The following FAM177A1 variants were observed in gnomAD, a reference collection of about 807,000 sequenced individuals.
FAM177A1 encodes the protein family with sequence similarity 177 member A1.
FAM177A1 carries 22 observed loss-of-function variants against 26.1 expected under a neutral mutation model. That is an observed-to-expected ratio of 0.84 (90% CI 0.60 to 1.20). The LOEUF is 1.20. Among genes scored for constraint, FAM177A1 ranks in the 50% most tolerant of loss-of-function variants. FAM177A1 has a pLI of 0.00. For missense variants in FAM177A1, 296 were observed against 291.1 expected, an observed-to-expected ratio of 1.02 and a Z score of -0.12; for synonymous variants, 95 against 99.3, an observed-to-expected ratio of 0.96 and a Z score of 0.26.
chr14:35,074,024 C>T (rs2045359692), intron 2 of FAM177A1, among the ~76,000 whole-genome samples: 1 of 152,202 alleles, frequency 6.6e-6, no homozygotes, highest in Non-Finnish European at 1.5e-5. Context: ...TAAAGCCAAA[C>T]TTCTTTCTAA....
chr14:35,046,472 G>C lies in FAM177A1; in HGVS notation c.9G>C (p.Val3=). Residue 3 remains valine (V), a synonymous_variant, in exon 1 of 5, where the codon GTG becomes GTC. Coordinates refer to ENST00000280987, the MANE Select transcript of FAM177A1 (RefSeq NM_173607.5). ...GGGCGGGGAGACCAAGGATGGAAGT[G>C]GGCTTACCGGCCATTACCCTCTTTC... The part of the protein sequence containing the change: ME[V]GLPAITLFLT... 1 of 1,585,798 alleles carries C rather than the reference G, an allele frequency of 6.3e-7. No individual in the cohort carries two copies. Among genetic ancestry groups the C allele is most frequent in the Non-Finnish European group, 8.6e-7 (1 of 1,166,638 alleles).
At chr14:35,058,982 C>T (rs941881123) in intron 2 of FAM177A1, among the ~76,000 whole-genome samples, 1 of 152,136 alleles carries the variant, frequency 6.6e-6, no homozygotes, top group Admixed American at 6.6e-5. Context: ...GTCGCCCAGG[C>T]TGGACTGCAG....
chr14:35,071,441 G>A (rs1487623200), intron 2 of FAM177A1, among the ~76,000 whole-genome samples: 4 of 152,158 alleles, frequency 2.6e-5, no homozygotes, highest in Non-Finnish European at 5.9e-5. Flanking sequence ...ATCATTTTGA[G>A]TTTTAGCACT....
At chr14:35,053,173 A>G in intron 1 of FAM177A1, 105 bp from the exon 2 acceptor site, 1 of 1,044,344 alleles carries the variant, frequency 9.6e-7, no homozygotes, top group South Asian at 1.6e-5. Flanking sequence ...AACTGCTTAA[A>G]GATTTATTTC....
upstream of FAM177A1, chr14:35,045,052 G>A (rs892153630): frequency 1.3e-5 from 2 of 152,182 alleles, no homozygotes; most frequent in Non-Finnish European, 2.9e-5. Flanking sequence ...ATATAATGCA[G>A]AACTGTGTTG....
At chr14:35,047,112 AG>A in intron 1 of FAM177A1, 1 of 576,110 alleles carries the variant, frequency 1.7e-6, no homozygotes, top group Non-Finnish European at 2.2e-6. Flanking sequence ...TTCACCGCCG[AG>A]GCAACTAAGG....
intron 2 of FAM177A1, among the ~76,000 whole-genome samples, chr14:35,061,240 A>C (rs1415975784): frequency 1.3e-5 from 2 of 152,026 alleles, no homozygotes; most frequent in Non-Finnish European, 2.9e-5. Flanking sequence ...GTGTGTTGCA[A>C]ATGAAGTCAG....
At chr14:35,049,207 C>G (rs540291938) in intron 1 of FAM177A1, among the ~76,000 whole-genome samples, 1 of 152,184 alleles carries the variant, frequency 6.6e-6, no homozygotes, top group Admixed American at 6.6e-5. Context: ...TTGTGACATT[C>G]TATCCAGCAG....
rs1159049214 is a variant in FAM177A1, at chr14:35,081,344, T to C, written c.*116T>C. 2 of 1,029,478 alleles carry C rather than the reference T, an allele frequency of 1.9e-6. No homozygotes were observed. Among genetic ancestry groups the C allele is most frequent in the South Asian group, 2.3e-5 (1 of 42,840 alleles). 63.8% of individuals were successfully genotyped at this position (1,029,478 alleles called of 1,614,324 possible). A position where few individuals can be genotyped will look rare whatever the true frequency, so the allele number is the denominator to read the frequency against. ...TTATTTATATTTTAAATTATTAAAGTATCTGGAAAGGGAAAATGTTTTCTT... is the reference window on the plus strand; with the variant it reads ...TTATTTATATTTTAAATTATTAAAGCATCTGGAAAGGGAAAATGTTTTCTT... On this transcript the variant is annotated 3_prime_UTR_variant, in exon 5 of 5. Coordinates refer to ENST00000280987, the MANE Select transcript of FAM177A1 (RefSeq NM_173607.5).
At chr14:35,068,444 C>A (rs2045271268) in intron 2 of FAM177A1, among the ~76,000 whole-genome samples, 1 of 152,192 alleles carries the variant, frequency 6.6e-6, no homozygotes, top group African/African-American at 2.4e-5. Context: ...TTAGTAGAGT[C>A]CTTTGTCCTC....
In FAM177A1 at chr14:35,081,256, CTT is replaced by C; in HGVS notation, c.*29_*30del. On this transcript the variant is annotated 3_prime_UTR_variant, in exon 5 of 5. Coordinates refer to ENST00000280987, the MANE Select transcript of FAM177A1 (RefSeq NM_173607.5). ...TGAAATGACTATCAAGCTTCAAACT[CTT>C]AAGTTTTTTTTTTTTAATACAAAAA... The C allele has an allele frequency of 1.3e-5, 20 of 1,561,124 alleles. No individual in the cohort carries two copies. Among genetic ancestry groups the C allele is most frequent in the Non-Finnish European group, 1.6e-5 (19 of 1,161,296 alleles).
intron 2 of FAM177A1, among the ~76,000 whole-genome samples, chr14:35,061,042 T>C (rs2045144855): frequency 1.3e-5 from 2 of 151,348 alleles, no homozygotes; most frequent in African/African-American, 4.9e-5. Flanking sequence ...GTGACTAATC[T>C]ATAAATTAAA....
Position 35,053,266 on chromosome 14 carries a change from T to C in FAM177A1, c.166-12T>C. On this transcript the variant is annotated splice_polypyrimidine_tract_variant and intron_variant, in intron 1 of 4. Transcript: ENST00000280987. The stretch of plus-strand genomic sequence containing the variant: ...ACTTGAAACTCATTTTCTTAAAATA[T>C]CGTTGATATAGATGAGTAACGAAAG... The C allele has an allele frequency of 1.3e-6, 2 of 1,586,078 alleles. No homozygotes were observed. The highest frequency in any genetic ancestry group is 1.7e-6 in the Non-Finnish European group (2 of 1,171,054).
Position 35,081,120 on chromosome 14 carries a change from A to G in FAM177A1, c.603A>G (p.Gln201=), listed in dbSNP as rs201051719. Reference sequence around the variant, plus strand: ...CTGATTCCATTGTTCAGACAGATCAACCAGAGACAGTGATATCCAGCTCAT... The same window carrying G: ...CTGATTCCATTGTTCAGACAGATCAGCCAGAGACAGTGATATCCAGCTCAT... ...LQTDSIVQTD[Q]PETVISSSFV... The change falls in exon 5 of 5, where the codon CAA becomes CAG. Residue 201 remains glutamine (Q), a synonymous_variant. Transcript: ENST00000280987. The G allele has an allele frequency of 1.2e-6, 2 of 1,613,838 alleles. No homozygotes were observed. Among genetic ancestry groups the G allele is most frequent in the East Asian group, 2.2e-5 (1 of 44,806 alleles).
At chr14:35,047,026 GGCATATGCCAAA>G in intron 1 of FAM177A1, 14 of 1,010,614 alleles carry the variant, frequency 1.4e-5, no homozygotes, top group Non-Finnish European at 1.7e-5. Flanking sequence ...CCCTTTGCTT[GGCATATGCCAAA>G]CGTTTACCAG....
At chr14:35,047,870 C>CT (rs1181298250) in intron 1 of FAM177A1, among the ~76,000 whole-genome samples, 1 of 152,138 alleles carries the variant, frequency 6.6e-6, no homozygotes, top group East Asian at 1.9e-4. Flanking sequence ...ATTTTTGAGA[C>CT]TAAGTACCTG....
intron 2 of FAM177A1, among the ~76,000 whole-genome samples, chr14:35,063,401 G>A (rs138751231): frequency 0.038 from 5,693 of 151,154 alleles, 103 homozygotes; most frequent in South Asian, 0.062. Context: ...GTGAAACCCC[G>A]TCTCTACTAA....
chr14:35,057,589 C>G (rs374159955), intron 2 of FAM177A1, among the ~76,000 whole-genome samples: 1 of 152,102 alleles, frequency 6.6e-6, no homozygotes, highest in East Asian at 1.9e-4. Context: ...CCATGTTGGC[C>G]AGGCTGGTCT....
At chr14:35,062,257 A>C (rs1359225977) in intron 2 of FAM177A1, among the ~76,000 whole-genome samples, 3 of 152,130 alleles carry the variant, frequency 2.0e-5, no homozygotes, top group African/African-American at 4.8e-5. Flanking sequence ...TTCTTTAATA[A>C]ATTTCATCAG....
Sources: gnomAD v4.1 joint callset for allele counts (sites outside exome capture counted in the v4.1 genomes callset) on GRCh38, gnomAD v4.1.1 for gene constraint, MANE v1.5 for transcripts, NCBI Gene and HGNC (gene_info 2026-07-23, HGNC 2026-07-21) for gene names.